The following UVRAG variants were observed in gnomAD, a reference collection of about 807,000 sequenced individuals.
UVRAG encodes the protein UV radiation resistance associated.
UVRAG carries 19 observed loss-of-function variants against 78.0 expected under a neutral mutation model. The observed-to-expected ratio is 0.24, with a 90% CI of 0.17 to 0.36. The LOEUF is 0.36. Among genes scored for constraint, UVRAG ranks in the 10% least tolerant of loss-of-function variants. The pLI is 1.00. For synonymous variants in UVRAG, 323 were observed against 324.6 expected, an observed-to-expected ratio of 1.00 and a Z score of 0.05; for missense variants, 740 against 853.8, an observed-to-expected ratio of 0.87 and a Z score of 1.66.
At chr11:75,831,998 A>G (rs1044049964) in intron 1 of UVRAG, among the ~76,000 whole-genome samples, 3 of 152,210 alleles carry the variant, frequency 2.0e-5, no homozygotes, top group African/African-American at 4.8e-5. Flanking sequence ...GAAAAACAGG[A>G]TGGCTGTATG....
intron 12 of UVRAG, among the ~76,000 whole-genome samples, chr11:76,023,355 A>G (rs1031394699): frequency 3.3e-5 from 5 of 152,068 alleles, no homozygotes; most frequent in Admixed American, 6.5e-5. Flanking sequence ...ATACTTGGAC[A>G]CTTTTGAATG....
At chr11:75,837,778 T>G (rs1241138697) in intron 1 of UVRAG, 1 of 152,258 alleles carries the variant, frequency 6.6e-6, no homozygotes, top group Non-Finnish European at 1.5e-5. Context: ...TACATTCTCA[T>G]GCCTTTATAA....
chr11:75,975,990 A>G (rs954011404), intron 7 of UVRAG, among the ~76,000 whole-genome samples: 1 of 152,124 alleles, frequency 6.6e-6, no homozygotes, highest in African/African-American at 2.4e-5. Context: ...TCAGTATGAT[A>G]TTGGCTGTGG....
chr11:75,990,427 T>C (rs1362721581), intron 8 of UVRAG, among the ~76,000 whole-genome samples: 1 of 152,184 alleles, frequency 6.6e-6, no homozygotes, highest in Non-Finnish European at 1.5e-5. Context: ...AATATGATGA[T>C]CAGATGAGTT....
At position 75,834,383 on chromosome 11, in the gene UVRAG, G is replaced by C. The variant is rs190828733; in HGVS notation, c.118-17500G>C. ...ATGTCCTTCATAAGGTATCACTTCT[G>C]GATGTTCATTTGTCCCTCATTGGTA... On this transcript the variant is annotated intron_variant, in intron 1 of 14. Transcript: ENST00000356136. 3.3e-5 allele frequency among the ~76,000 whole-genome samples: 5 copies of C among 151,914 alleles called. No individual in the cohort carries two copies. In the East Asian group the frequency reaches 9.7e-4, roughly 29 times the overall value.
At chr11:75,964,014 GT>G (rs1004567986) in intron 7 of UVRAG, among the ~76,000 whole-genome samples, 37 of 152,038 alleles carry the variant, frequency 2.4e-4, no homozygotes, top group African/African-American at 8.7e-4. Flanking sequence ...ATAAATGTAT[GT>G]TTTTTCTCTT....
chr11:76,062,570 A>C (rs1158213705), intron 12 of UVRAG, among the ~76,000 whole-genome samples: 1 of 152,186 alleles, frequency 6.6e-6, no homozygotes, highest in African/African-American at 2.4e-5. Context: ...CCTCCAGGAC[A>C]AACACCTCTG....
intron 4 of UVRAG, among the ~76,000 whole-genome samples, chr11:75,886,273 G>A (rs1278817029): frequency 1.3e-5 from 2 of 151,966 alleles, no homozygotes; most frequent in Non-Finnish European, 2.9e-5. Context: ...TGTTAGATTT[G>A]TTTCTCCCCA....
At chr11:75,883,473 A>G (rs951412714) in intron 4 of UVRAG, among the ~76,000 whole-genome samples, 1 of 152,208 alleles carries the variant, frequency 6.6e-6, no homozygotes, top group Non-Finnish European at 1.5e-5. Flanking sequence ...TCTATAAAAT[A>G]GCTATAACAA....
intron 3 of UVRAG, among the ~76,000 whole-genome samples, chr11:75,872,558 TTG>T (rs1024860136): frequency 1.3e-5 from 2 of 152,106 alleles, no homozygotes; most frequent in African/African-American, 2.4e-5. Flanking sequence ...CGGCTAATTT[TTG>T]TATTTTTTAG....
chr11:75,861,658 A>G, intron 2 of UVRAG, 88 bp from the exon 3 acceptor site: 1 of 878,072 alleles, frequency 1.1e-6, no homozygotes, highest in Non-Finnish European at 1.8e-6. Context: ...TTACTGCAAC[A>G]TATGTTAAAA....
chr11:76,014,560 G>A (rs1311256927), intron 11 of UVRAG, among the ~76,000 whole-genome samples: 1 of 152,138 alleles, frequency 6.6e-6, no homozygotes. Flanking sequence ...AATCTTTACG[G>A]AAAGCACGAG....
At chr11:75,885,986 G>C (rs982223202) in intron 4 of UVRAG, among the ~76,000 whole-genome samples, 1 of 151,954 alleles carries the variant, frequency 6.6e-6, no homozygotes, top group Non-Finnish European at 1.5e-5. Context: ...AATGTTTTCT[G>C]GTTTTTGGCT....
intron 14 of UVRAG, among the ~76,000 whole-genome samples, chr11:76,133,631 A>G (rs1952549439): frequency 6.6e-6 from 1 of 152,156 alleles, no homozygotes. Flanking sequence ...AGTCAGAGAA[A>G]TAGAGAATTT....
rs895641032 is a variant in UVRAG, at chr11:76,143,473, G to C, written c.*2060G>C. On this transcript the variant is annotated 3_prime_UTR_variant, in exon 15 of 15. Coordinates refer to ENST00000356136, the MANE Select transcript of UVRAG (RefSeq NM_003369.4). ...AGACTCCCTGGTTGATCCTGGGCTTGTGGCTTTTCACCGCACGGCGGGGAG... is the reference window on the plus strand; with the variant it reads ...AGACTCCCTGGTTGATCCTGGGCTTCTGGCTTTTCACCGCACGGCGGGGAG... 4.6e-5 allele frequency among the ~76,000 whole-genome samples: 7 copies of C among 152,250 alleles called. No individual in the cohort carries two copies. The highest frequency in any genetic ancestry group is 4.1e-4 in the South Asian group (2 of 4,832).
At chr11:75,963,449 TAGTC>T (rs1371449500) in intron 7 of UVRAG, among the ~76,000 whole-genome samples, 5 of 152,268 alleles carry the variant, frequency 3.3e-5, no homozygotes, top group East Asian at 3.8e-4. Context: ...ACATGTTAAT[TAGTC>T]AGTCACTTTG....
At chr11:76,080,918 G>A (rs1049237657) in intron 13 of UVRAG, among the ~76,000 whole-genome samples, 2 of 152,154 alleles carry the variant, frequency 1.3e-5, no homozygotes, top group East Asian at 3.8e-4. Flanking sequence ...GATAACTGTG[G>A]CCTTGTGAGT....
rs144219571 is a variant in UVRAG, at chr11:75,907,306, T to C, written c.508-4648T>C. On this transcript the variant is annotated intron_variant, in intron 5 of 14. Coordinates refer to ENST00000356136, the MANE Select transcript of UVRAG (RefSeq NM_003369.4). ...TGTTTTTGATATTGGGGGAAGATTT[T>C]GAGTCTTTCACCATTGAGTATGGTG... is the stretch of plus-strand genomic sequence containing the variant. Among the ~76,000 whole-genome samples, 38 of 152,328 alleles carry C rather than the reference T, an allele frequency of 2.5e-4. 1 individual carries two copies. In the East Asian group the frequency reaches 6.5e-3, roughly 26 times the overall value.
intron 12 of UVRAG, among the ~76,000 whole-genome samples, chr11:76,041,629 C>T (rs932457173): frequency 1.3e-5 from 2 of 152,212 alleles, no homozygotes; most frequent in East Asian, 3.8e-4. Context: ...CTTTGGAAGA[C>T]AATGAAGTGA....
Sources: allele counts gnomAD v4.1 joint callset (sites outside exome capture counted in the v4.1 genomes callset), GRCh38; gene constraint gnomAD v4.1.1; transcripts MANE v1.5; gene names NCBI Gene and HGNC (gene_info 2026-07-23, HGNC 2026-07-21).